Variants in RBM10 observed in about 807,000 individuals in gnomAD.
The protein encoded by RBM10 is RNA-binding protein 10.
In RBM10, 1 loss-of-function variant was observed where a neutral mutation model predicts 84.9. That is an observed-to-expected ratio of 0.01 (90% CI 0.00 to 0.06). The LOEUF (loss-of-function observed/expected upper bound fraction) is 0.06. Among genes scored for constraint, RBM10 ranks in the 10% least tolerant of loss-of-function variants. The probability of loss-of-function intolerance (pLI) is 1.00; values close to 1 mark genes in which losing one functional copy is unlikely to be tolerated. For synonymous variants in RBM10, 326 were observed against 344.5 expected, an observed-to-expected ratio of 0.95 and a Z score of 0.60; for missense variants, 438 against 839.0, an observed-to-expected ratio of 0.52 and a Z score of 5.90.
At chrX:47,176,016 G>A (rs1337196120) in intron 6 of RBM10, among the ~76,000 whole-genome samples, 3 of 112,865 alleles carry the variant, frequency 2.7e-5, no homozygotes, top group Non-Finnish European at 3.8e-5. Context: ...ATGGGAAGAC[G>A]GCCTCATGGC....
chrX:47,165,019 A>G (rs1934058416), intron 2 of RBM10, among the ~76,000 whole-genome samples: 1 of 111,964 alleles, frequency 8.9e-6, no homozygotes, highest in Non-Finnish European at 1.9e-5. Flanking sequence ...AGCTAGACAC[A>G]TAGGGACAAA....
intron 17 of RBM10, among the ~76,000 whole-genome samples, chrX:47,184,550 C>T (rs1420590772): frequency 1.8e-5 from 2 of 111,884 alleles, no homozygotes; most frequent in Non-Finnish European, 3.8e-5. Context: ...GCAAGAAGCA[C>T]TGGTGACTGG....
intron 6 of RBM10, among the ~76,000 whole-genome samples, chrX:47,176,154 A>G (rs1470469707): frequency 2.0e-5 from 2 of 100,897 alleles, no homozygotes; most frequent in Non-Finnish European, 4.0e-5. Context: ...CCCCAAGTGT[A>G]GCCTGTGTAG....
chrX:47,169,430 C>A lies in RBM10; in HGVS notation c.133C>A (p.Pro45Thr), dbSNP rs782797549. 2 of 1,211,713 alleles carry A rather than the reference C, an allele frequency of 1.7e-6. No homozygotes were observed. The highest frequency in any genetic ancestry group is 2.2e-5 in the Admixed American group (1 of 46,084). The stretch of plus-strand genomic sequence containing the variant: ...CCGGGACATGGACTACCGTTCATAT[C>A]CTCGCGAGTATGGCAGCCAGGAGGG... ...DYRDMDYRSY[P>T]REYGSQEGKH... The change falls in exon 3 of 24, where the codon CCT becomes ACT. Residue 45 changes from proline (P) to threonine (T), a missense_variant. Physicochemically the swap from Pro to Thr is conservative, Grantham distance 38. Coordinates refer to ENST00000377604, the MANE Select transcript of RBM10 (RefSeq NM_005676.5).
chrX:47,170,614 G>A (rs1281173762), intron 3 of RBM10, among the ~76,000 whole-genome samples: 1 of 112,473 alleles, frequency 8.9e-6, no homozygotes, highest in Non-Finnish European at 1.9e-5. Flanking sequence ...GGAACCGTAG[G>A]AGACATGCAG....
intron 2 of RBM10, among the ~76,000 whole-genome samples, chrX:47,162,574 T>G (rs1463813436): frequency 9.0e-6 from 1 of 111,637 alleles, no homozygotes; most frequent in Non-Finnish European, 1.9e-5. Context: ...GAGACTCACC[T>G]CTAAAGAATA....
intron 2 of RBM10, among the ~76,000 whole-genome samples, chrX:47,162,846 G>C (rs1933844368): frequency 9.4e-6 from 1 of 106,889 alleles, no homozygotes; most frequent in African/African-American, 3.5e-5. Context: ...ACTCCAGCCT[G>C]GCAACAAAGC....
At chrX:47,153,787 AC>A (rs1268136816) in intron 2 of RBM10, among the ~76,000 whole-genome samples, 1 of 111,806 alleles carries the variant, frequency 8.9e-6, no homozygotes, top group Non-Finnish European at 1.9e-5. Context: ...GGTAGGACTC[AC>A]CTTTAAAAGC....
intron 5 of RBM10, among the ~76,000 whole-genome samples, chrX:47,174,654 G>A (rs917026667): frequency 2.7e-5 from 3 of 110,803 alleles, no homozygotes; most frequent in African/African-American, 6.6e-5. Flanking sequence ...CTTCTTTGGA[G>A]GCAGATCTCT....
intron 5 of RBM10, among the ~76,000 whole-genome samples, chrX:47,174,295 CTCCTGGCCAA>C (rs1602566760): frequency 1.8e-5 from 2 of 111,132 alleles, no homozygotes; most frequent in Non-Finnish European, 3.8e-5. Flanking sequence ...CTCTAAGGTC[CTCCTGGCCAA>C]TCCTGGCCAC....
At chrX:47,174,295 C>A (rs1934941493) in intron 5 of RBM10, among the ~76,000 whole-genome samples, 1 of 111,134 alleles carries the variant, frequency 9.0e-6, no homozygotes, top group African/African-American at 3.3e-5. Context: ...CTCTAAGGTC[C>A]TCCTGGCCAA....
At chrX:47,171,297 G>A (rs1934649119) in intron 4 of RBM10, 39 bp downstream of exon 4, 1 of 1,204,585 alleles carries the variant, frequency 8.3e-7, no homozygotes, top group Admixed American at 2.2e-5. Context: ...AGGCCAGGCT[G>A]GGTCTCCTCC....
At chrX:47,164,710 C>G (rs182864583) in intron 2 of RBM10, among the ~76,000 whole-genome samples, 1 of 111,198 alleles carries the variant, frequency 9.0e-6, no homozygotes, top group Non-Finnish European at 1.9e-5. Context: ...AACAGTTTGG[C>G]GGTTCCAGAA....
chrX:47,185,757 C>T lies in RBM10; in HGVS notation c.2397C>T (p.Asn799=), dbSNP rs372362761. The T allele has an allele frequency of 5.7e-5, 69 of 1,210,429 alleles. 1 individual carries two copies. In the South Asian group the frequency reaches 9.0e-4, roughly 16 times the overall value. The part of the protein sequence containing the change: ...EIHRRAHLSE[N]ELEALEKNDM... ...ACCGGCGAGCCCACTTGTCAGAAAACGAGCTAGAAGCACTAGAGAAGAATG... is the reference window on the plus strand; with the variant it reads ...ACCGGCGAGCCCACTTGTCAGAAAATGAGCTAGAAGCACTAGAGAAGAATG... Residue 799 remains asparagine, a synonymous_variant, in exon 21 of 24, where the codon AAC becomes AAT. Coordinates refer to ENST00000377604, the MANE Select transcript of RBM10 (RefSeq NM_005676.5).
At chrX:47,149,131 C>T (rs1400760925) in intron 2 of RBM10, among the ~76,000 whole-genome samples, 4 of 111,248 alleles carry the variant, frequency 3.6e-5, no homozygotes, top group African/African-American at 1.3e-4. Context: ...GGCATGGTGC[C>T]ACAGTCTTCG....
rs1935536894 is a variant in RBM10, at chrX:47,181,528, C to T, written c.1457C>T (p.Pro486Leu). ...ACAGGTCCCGAGGCCTCCCTAGAGC[C>T]TGGGGCCGACTCTGTGTCGATGCAG... ...TGAGPEASLE[P>L]GADSVSMQAF... Residue 486 changes from proline (P) to leucine (L), a missense_variant, in exon 14 of 24, where the codon CCT (proline) becomes CTT (leucine). Around this residue, in one of 8 missense-constraint regions of RBM10, gnomAD observed 97 missense variants for 110.3 expected, o/e 0.88. Transcript: ENST00000377604. 1 of 1,211,651 alleles carries T rather than the reference C, an allele frequency of 8.3e-7. No homozygotes were observed. Among genetic ancestry groups the T allele is most frequent in the Non-Finnish European group, 1.1e-6 (1 of 895,392 alleles).
rs782678696 is a variant in RBM10, at chrX:47,185,192, C to T, written c.2088C>T (p.Ile696=). 17 of 1,212,426 alleles carry T rather than the reference C, an allele frequency of 1.4e-5. No homozygotes were observed. The highest frequency in any genetic ancestry group is 1.8e-5 in the Non-Finnish European group (16 of 895,647). The change falls in exon 18 of 24, where the codon ATC becomes ATT. Residue 696 remains isoleucine (I), a synonymous_variant. Coordinates refer to ENST00000377604, the MANE Select transcript of RBM10 (RefSeq NM_005676.5). ...CCACTGCAGATGCTGGCTATGCCAT[C>T]CTCGAGAAGAAGGTGTGTTGGGGCC... The part of the protein sequence containing the change: ...ESATADAGYA[I]LEKKGALAER...
At chrX:47,181,902 TTC>T (rs1556779912) in intron 15 of RBM10, 36 bp downstream of exon 15, 4 of 1,208,512 alleles carry the variant, frequency 3.3e-6, no homozygotes, top group Non-Finnish European at 3.4e-6. Flanking sequence ...GGGTGGGGAG[TTC>T]TTAATAAAGC....
intron 2 of RBM10, among the ~76,000 whole-genome samples, chrX:47,150,920 G>A (rs1602492700): frequency 9.0e-6 from 1 of 111,580 alleles, no homozygotes; most frequent in East Asian, 2.8e-4. Flanking sequence ...TTTGTAAGTA[G>A]TCATTTCATC....
Sources: allele counts gnomAD v4.1 joint callset (sites outside exome capture counted in the v4.1 genomes callset), GRCh38; gene constraint gnomAD v4.1.1; regional missense constraint gnomAD v4.1.1; transcripts MANE v1.5; gene names NCBI Gene and HGNC (gene_info 2026-07-23, HGNC 2026-07-21).